Variants in SCAF11 observed in about 807,000 individuals in gnomAD.
SCAF11 encodes SR-related CTD associated factor 11.
Under a neutral mutation model 140.5 loss-of-function variants are expected in SCAF11, and 47 were observed. That is an observed-to-expected ratio of 0.33 (90% CI 0.26 to 0.43). The LOEUF is 0.43. SCAF11 is among the 20% of genes least tolerant of loss of function. The pLI is 1.00. For missense variants in SCAF11, 1,645 were observed against 1,705.1 expected (o/e 0.96, Z 0.62); for synonymous variants, 557 against 579.4 (o/e 0.96, Z 0.55).
rs537575709 is a variant in SCAF11, at chr12:45,974,358, C to A, written c.-21-10170G>T. On this transcript the variant is annotated intron_variant, in intron 1 of 14. Coordinates refer to ENST00000369367, the MANE Select transcript of SCAF11 (RefSeq NM_004719.3). ...CAATTCCTTAAAATGAGATAACATT[C>A]AAGTATGCCACACTGACACTCCTTT... The A allele has an allele frequency of 7.7e-6, 3 of 388,956 alleles. No individual in the cohort carries two copies. In the East Asian group the frequency reaches 2.2e-4, roughly 28 times the overall value. The allele number at this position is 388,956 out of a possible 1,614,324, so 24.1% of individuals were successfully genotyped here. A position where few individuals can be genotyped will look rare whatever the true frequency, so the allele number is the denominator to read the frequency against.
chr12:45,926,337 A>G lies in SCAF11; in HGVS notation c.3364T>C (p.Ser1122Pro). ...SESFKFVEQQ[S>P]YKRKSEQEFS... ...TCCTGTTCACTTTTTCGCTTATAGGATTGCTGTTCCACAAACTTGAAAGAT... is the reference window on the plus strand; with the variant it reads ...TCCTGTTCACTTTTTCGCTTATAGGGTTGCTGTTCCACAAACTTGAAAGAT... Residue 1122 changes from serine to proline, a missense_variant, in exon 11 of 15, where the codon TCC becomes CCC. Coordinates refer to ENST00000369367, the MANE Select transcript of SCAF11 (RefSeq NM_004719.3). The G allele has an allele frequency of 6.2e-7, 1 of 1,614,104 alleles. No homozygotes were observed. The highest frequency in any genetic ancestry group is 1.7e-5 in the Admixed American group (1 of 60,010).
rs756152988 is a variant in SCAF11, at chr12:45,928,579, C to G, written c.1122G>C (p.Arg374=). ...GTTTTCTTCCTCTTCTTACAGACTT[C>G]CGTTTTGGAGCCTGTCTTGTTTGCT... ...SEKQTRQAPK[R]KSVRRGRKPP... is the part of the protein sequence containing the mutation. Residue 374 remains arginine, a synonymous_variant, in exon 11 of 15, where the codon CGG becomes CGC. Coordinates refer to ENST00000369367, the MANE Select transcript of SCAF11 (RefSeq NM_004719.3). The G allele has an allele frequency of 1.2e-6, 2 of 1,614,084 alleles. No homozygotes were observed. The highest frequency in any genetic ancestry group is 1.7e-6 in the Non-Finnish European group (2 of 1,180,002).
At chr12:45,959,440 G>A (rs760861928) in intron 3 of SCAF11, among the ~76,000 whole-genome samples, 4 of 152,296 alleles carry the variant, frequency 2.6e-5, no homozygotes, top group Admixed American at 2.0e-4. Context: ...GAAATTAAAT[G>A]TTAGAATGTG....
chr12:45,960,850 T>C (rs11183248), intron 3 of SCAF11: 14,210 of 152,404 alleles, frequency 0.093, 2,207 homozygotes, highest in African/African-American at 0.32. Context: ...ACATTAACAA[T>C]TGGAATGCAG....
In SCAF11 at chr12:45,934,235, G is replaced by A; in HGVS notation, c.573C>T (p.Ser191=). 1 of 1,611,574 alleles carries A rather than the reference G, an allele frequency of 6.2e-7. No individual in the cohort carries two copies. Among genetic ancestry groups the A allele is most frequent in the Non-Finnish European group, 8.5e-7 (1 of 1,178,548 alleles). Residue 191 remains serine (S), a synonymous_variant, in exon 8 of 15, where the codon TCC becomes TCT. Transcript: ENST00000369367. ...AGTGGCTAACAGAAGAAAACATATT[G>A]GAGAAAAAATTTCTGAAGCACTGAT... ...STNQCFRNFF[S]NMFSSVSHSG...
intron 1 of SCAF11, among the ~76,000 whole-genome samples, chr12:45,967,575 C>T (rs896313513): frequency 3.3e-5 from 5 of 151,942 alleles, no homozygotes; most frequent in Admixed American, 6.6e-5. Flanking sequence ...ACCCAGGAGG[C>T]GGAGGTTGCA....
At chr12:45,972,949 TAG>T (rs1946133703) in intron 1 of SCAF11, among the ~76,000 whole-genome samples, 1 of 136,224 alleles carries the variant, frequency 7.3e-6, no homozygotes, top group African/African-American at 2.8e-5. Flanking sequence ...GATATATATA[TAG>T]ATATATAGAT....
At chr12:45,963,924 A>C (rs1456424880) in intron 2 of SCAF11, among the ~76,000 whole-genome samples, 183 bp downstream of exon 2, 2 of 152,198 alleles carry the variant, frequency 1.3e-5, no homozygotes, top group Non-Finnish European at 2.9e-5. Context: ...CAAATCAAAA[A>C]ACTTGATCAG....
rs148268522 is a variant in SCAF11 at position 45,920,673 on chromosome 12, C to T, written c.*1375G>A. The T allele has an allele frequency of 3.3e-5, 5 of 152,346 alleles. No homozygotes were observed. In the East Asian group the frequency reaches 9.7e-4, roughly 29 times the overall value. 9.4% of individuals were successfully genotyped at this position (152,346 alleles called of 1,614,324 possible). ...ACCAGGACTCCATTATTTAAATTTC[C>T]CCTCTGTTTCTAAAACACAGGTTTT... On this transcript the variant is annotated 3_prime_UTR_variant, in exon 15 of 15. Coordinates refer to ENST00000369367, the MANE Select transcript of SCAF11 (RefSeq NM_004719.3).
intron 3 of SCAF11, among the ~76,000 whole-genome samples, chr12:45,953,586 G>A (rs1945603714): frequency 6.6e-6 from 1 of 151,896 alleles, no homozygotes; most frequent in Non-Finnish European, 1.5e-5. Flanking sequence ...TATTTCTAGT[G>A]CTTCCTATTT....
At chr12:45,989,963 C>T (rs1389054285) in intron 1 of SCAF11, among the ~76,000 whole-genome samples, 1 of 151,196 alleles carries the variant, frequency 6.6e-6, no homozygotes, top group Non-Finnish European at 1.5e-5. Flanking sequence ...GCGGTTCTGG[C>T]GTGGAGCCCC....
chr12:45,953,981 G>T, intron 3 of SCAF11: 1 of 289,778 alleles, frequency 3.5e-6, no homozygotes, highest in Non-Finnish European at 5.4e-6. Flanking sequence ...ACAAGTGAGA[G>T]ACATGAGTTC....
At chr12:45,926,069 T>C (rs906750583) in intron 11 of SCAF11, 73 bp downstream of exon 11, 4 of 1,435,178 alleles carry the variant, frequency 2.8e-6, no homozygotes, top group Non-Finnish European at 3.7e-6. Flanking sequence ...TCATTTCAAC[T>C]CATACAAATA....
Position 45,928,068 on chromosome 12 carries a change from G to A in SCAF11, c.1633C>T (p.His545Tyr). ...SEVKTDVCTV[H>Y]LPNDFPTCLT... ...CATGTAGGAAAATCATTTGGAAGAT[G>A]AACTGTACATACATCTGTCTTTACC... The change falls in exon 11 of 15, where the codon CAT becomes TAT. Residue 545 changes from histidine (H) to tyrosine (Y), a missense_variant. Around this residue, in one of 2 missense-constraint regions of SCAF11, gnomAD observed 1,582 missense variants for 1,609.2 expected, o/e 0.98. Coordinates refer to ENST00000369367, the MANE Select transcript of SCAF11 (RefSeq NM_004719.3). 1 of 1,613,892 alleles carries A rather than the reference G, an allele frequency of 6.2e-7. No homozygotes were observed. Among genetic ancestry groups the A allele is most frequent in the Non-Finnish European group, 8.5e-7 (1 of 1,179,998 alleles).
chr12:45,983,797 A>T (rs929092265), intron 1 of SCAF11, among the ~76,000 whole-genome samples: 15 of 149,728 alleles, frequency 1.0e-4, no homozygotes, highest in Non-Finnish European at 1.8e-4. Context: ...AGACTGAACT[A>T]ATTTTTACCT....
intron 14 of SCAF11, 134 bp from the exon 15 acceptor site, chr12:45,922,328 A>C: frequency 1.4e-6 from 2 of 1,466,238 alleles, no homozygotes; most frequent in Non-Finnish European, 1.8e-6. Context: ...CACACAAACT[A>C]ATCAAAAGGC....
intron 3 of SCAF11, among the ~76,000 whole-genome samples, chr12:45,959,288 G>A (rs1431961626): frequency 6.6e-6 from 1 of 151,712 alleles, no homozygotes; most frequent in Non-Finnish European, 1.5e-5. Flanking sequence ...AAAAAAAGAA[G>A]TGAACATGCA....
At chr12:45,963,919 CA>C (rs1366711605) in intron 2 of SCAF11, among the ~76,000 whole-genome samples, 187 bp downstream of exon 2, 2 of 151,792 alleles carry the variant, frequency 1.3e-5, no homozygotes. Context: ...TTTAACAAAT[CA>C]AAAAACTTGA....
At chr12:45,989,126 C>T (rs1946531388) in intron 1 of SCAF11, among the ~76,000 whole-genome samples, 1 of 152,086 alleles carries the variant, frequency 6.6e-6, no homozygotes, top group Non-Finnish European at 1.5e-5. Context: ...GATTACATGT[C>T]AAAATTTTAA....
Sources: gnomAD v4.1 joint callset for allele counts (sites outside exome capture counted in the v4.1 genomes callset) on GRCh38, gnomAD v4.1.1 for gene constraint, gnomAD v4.1.1 regional missense constraint, MANE v1.5 for transcripts, NCBI Gene and HGNC (gene_info 2026-07-23, HGNC 2026-07-21) for gene names.